The following NEGR1 variants were observed in gnomAD, a reference collection of about 807,000 sequenced individuals.
The protein encoded by NEGR1 is IgLON family member 4.
NEGR1 carries 10 observed loss-of-function variants against 40.9 expected under a neutral mutation model. The observed-to-expected ratio is 0.24, with a 90% CI of 0.15 to 0.42. The LOEUF (loss-of-function observed/expected upper bound fraction) is 0.42. Among genes scored for constraint, NEGR1 ranks in the 10% least tolerant of loss-of-function variants. The pLI, the probability that NEGR1 is intolerant of heterozygous loss-of-function variation, is 1.00. For synonymous variants in NEGR1, 185 were observed against 166.8 expected (o/e 1.11, Z -0.84); for missense variants, 352 against 438.9 (o/e 0.80, Z 1.77).
chr1:71,578,163 C>T (rs559834567), intron 6 of NEGR1, among the ~76,000 whole-genome samples: 1 of 152,132 alleles, frequency 6.6e-6, no homozygotes, highest in African/African-American at 2.4e-5. Flanking sequence ...TGCTGATTAA[C>T]AGTGATGCTG....
At chr1:71,785,434 A>G (rs1029330191) in intron 2 of NEGR1, among the ~76,000 whole-genome samples, 1 of 150,952 alleles carries the variant, frequency 6.6e-6, no homozygotes, top group Non-Finnish European at 1.5e-5. Context: ...TTAAGAATTA[A>G]TAATGAGGTT....
At chr1:72,077,940 G>A (rs1017691276) in intron 1 of NEGR1, among the ~76,000 whole-genome samples, 3 of 152,050 alleles carry the variant, frequency 2.0e-5, no homozygotes, top group East Asian at 1.9e-4. Context: ...TTTGTATTTC[G>A]GTACAATTGT....
chr1:72,261,814 T>C lies in NEGR1; in HGVS notation c.176+20505A>G, dbSNP rs143648826. On this transcript the variant is annotated intron_variant, in intron 1 of 6. Coordinates refer to ENST00000357731, the MANE Select transcript of NEGR1 (RefSeq NM_173808.3). ...ACTTAGAAGTGACAGTTAAACAATG[T>C]GTAACATGAACATACAGAGTGGAAT... 5.1e-3 allele frequency among the ~76,000 whole-genome samples: 777 copies of C among 151,454 alleles called. 5 individuals carry two copies. Among genetic ancestry groups the C allele is most frequent in the African/African-American group, 0.018 (742 of 40,854 alleles).
intron 4 of NEGR1, among the ~76,000 whole-genome samples, chr1:71,656,851 T>A (rs946713938): frequency 6.6e-6 from 1 of 152,176 alleles, no homozygotes; most frequent in African/African-American, 2.4e-5. Context: ...TGGATGCATC[T>A]TGTTAGGCTC....
intron 2 of NEGR1, among the ~76,000 whole-genome samples, chr1:71,874,452 A>T (rs1660367603): frequency 1.3e-5 from 2 of 152,154 alleles, no homozygotes; most frequent in Admixed American, 6.6e-5. Flanking sequence ...CTCCCTGTCT[A>T]GCAAGGTTTG....
intron 6 of NEGR1, among the ~76,000 whole-genome samples, chr1:71,578,759 G>C (rs1409946783): frequency 6.6e-6 from 1 of 152,038 alleles, no homozygotes; most frequent in African/African-American, 2.4e-5. Context: ...GGTTATATTA[G>C]AAAAAGGTTA....
chr1:72,029,106 A>G (rs1331837983), intron 1 of NEGR1, among the ~76,000 whole-genome samples: 1 of 152,224 alleles, frequency 6.6e-6, no homozygotes, highest in African/African-American at 2.4e-5. Flanking sequence ...TGATTCTTAG[A>G]GTACAAAAAT....
intron 2 of NEGR1, 54 bp from the exon 3 acceptor site, chr1:71,776,351 A>C: frequency 8.3e-7 from 1 of 1,203,916 alleles, no homozygotes; most frequent in Non-Finnish European, 1.2e-6. Context: ...GTTTTGTTGA[A>C]GTACGTATGA....
intron 1 of NEGR1, among the ~76,000 whole-genome samples, chr1:72,024,884 T>G (rs1646793286): frequency 6.6e-6 from 1 of 152,124 alleles, no homozygotes; most frequent in Admixed American, 6.5e-5. Context: ...AAAGACAATA[T>G]ACATTGAGGT....
At chr1:71,769,154 A>T (rs918767364) in intron 3 of NEGR1, among the ~76,000 whole-genome samples, 4 of 151,664 alleles carry the variant, frequency 2.6e-5, no homozygotes, top group African/African-American at 4.8e-5. Flanking sequence ...TATAATTGAA[A>T]TTTTTTTCCT....
intron 2 of NEGR1, among the ~76,000 whole-genome samples, chr1:71,814,644 G>T (rs1557662774): frequency 6.6e-6 from 1 of 152,022 alleles, no homozygotes; most frequent in East Asian, 1.9e-4. Context: ...CCTTGGGAGG[G>T]TGTATGTATC....
At chr1:72,019,270 T>A (rs1351428047) in intron 1 of NEGR1, among the ~76,000 whole-genome samples, 1 of 152,116 alleles carries the variant, frequency 6.6e-6, no homozygotes, top group Non-Finnish European at 1.5e-5. Context: ...CTATTCAGAG[T>A]TCTGTTTCTC....
chr1:71,522,015 A>G (rs1411614411), intron 6 of NEGR1, among the ~76,000 whole-genome samples: 1 of 151,998 alleles, frequency 6.6e-6, no homozygotes, highest in African/African-American at 2.4e-5. Context: ...ATGAGTAATG[A>G]ACTGAAAGCC....
chr1:71,785,100 C>T (rs1401308817), intron 2 of NEGR1, among the ~76,000 whole-genome samples: 1 of 152,186 alleles, frequency 6.6e-6, no homozygotes, highest in Non-Finnish European at 1.5e-5. Flanking sequence ...GTACCTCAGG[C>T]TTGCTTCAGT....
chr1:71,646,549 G>A (rs1651537344), intron 4 of NEGR1, among the ~76,000 whole-genome samples: 1 of 151,752 alleles, frequency 6.6e-6, no homozygotes, highest in African/African-American at 2.4e-5. Context: ...AGTTCATCCT[G>A]GCTCCCCTAA....
intron 1 of NEGR1, among the ~76,000 whole-genome samples, chr1:72,129,204 A>G (rs1650147291): frequency 6.6e-6 from 1 of 152,164 alleles, no homozygotes; most frequent in African/African-American, 2.4e-5. Flanking sequence ...CTGTTACTCT[A>G]CAGAACCCTG....
At chr1:71,954,554 G>C (rs1447419061) in intron 1 of NEGR1, among the ~76,000 whole-genome samples, 31 of 151,840 alleles carry the variant, frequency 2.0e-4, no homozygotes, top group Admixed American at 2.0e-3. Flanking sequence ...GGAGGCTGCA[G>C]AGTTATCAAT....
chr1:71,593,788 C>T (rs890014855), intron 5 of NEGR1, among the ~76,000 whole-genome samples: 1 of 152,114 alleles, frequency 6.6e-6, no homozygotes, highest in Admixed American at 6.6e-5. Flanking sequence ...TCTCTTGTAC[C>T]TTCTATTTCT....
At chr1:71,792,323 G>A (rs180920952) in intron 2 of NEGR1, among the ~76,000 whole-genome samples, 6 of 152,210 alleles carry the variant, frequency 3.9e-5, no homozygotes, top group Admixed American at 3.9e-4. Flanking sequence ...AAATTTTTGT[G>A]AGTTTGCATT....
Sources: gnomAD v4.1 joint callset for allele counts (sites outside exome capture counted in the v4.1 genomes callset) on GRCh38, gnomAD v4.1.1 for gene constraint, MANE v1.5 for transcripts, NCBI Gene and HGNC (gene_info 2026-07-23, HGNC 2026-07-21) for gene names.